The following THBS1 variants were observed in gnomAD, a reference collection of about 807,000 sequenced individuals.
The protein encoded by THBS1 is thrombospondin-1.
THBS1 carries 29 observed loss-of-function variants against 126.1 expected under a neutral mutation model. That is an observed-to-expected ratio of 0.23 (90% CI 0.17 to 0.31). The LOEUF (loss-of-function observed/expected upper bound fraction) is 0.31, where lower values mean the gene tolerates loss of function less well. Among genes scored for constraint, THBS1 ranks in the 10% least tolerant of loss-of-function variants. The pLI, the probability that THBS1 is intolerant of heterozygous loss-of-function variation, is 1.00. For missense variants in THBS1, 1,198 were observed against 1,545.2 expected, an observed-to-expected ratio of 0.78 and a Z score of 3.77; for synonymous variants, 496 against 577.8, an observed-to-expected ratio of 0.86 and a Z score of 2.03.
In THBS1 at chr15:39,583,994, G is replaced by A; in HGVS notation, c.710G>A (p.Ser237Asn). ...TCATTTTGTTTCTTGCCAGCTACCAGTGTCCTCCTCACCCTTGACAACAAC... is the reference window on the plus strand; with the variant it reads ...TCATTTTGTTTCTTGCCAGCTACCAATGTCCTCCTCACCCTTGACAACAAC... ...LRNKGCSSST[S>N]VLLTLDNNVV... The change falls in exon 5 of 22, where the codon AGT becomes AAT. Residue 237 changes from serine to asparagine, a missense_variant. Ser to Asn is a conservative substitution (Grantham distance 46). Coordinates refer to ENST00000260356, the MANE Select transcript of THBS1 (RefSeq NM_003246.4). The A allele has an allele frequency of 6.2e-7, 1 of 1,614,208 alleles. No homozygotes were observed. Among genetic ancestry groups the A allele is most frequent in the Non-Finnish European group, 8.5e-7 (1 of 1,180,046 alleles).
chr15:39,581,743 G>C, intron 1 of THBS1, 86 bp from the exon 2 acceptor site: 1 of 768,612 alleles, frequency 1.3e-6, no homozygotes, highest in Non-Finnish European at 2.1e-6. Flanking sequence ...TCCCGGCCCT[G>C]TCCCCATGCC....
In THBS1 at chr15:39,582,686, C is replaced by T. The variant is rs1890135403; in HGVS notation, c.561C>T (p.Phe187=). Residue 187 remains phenylalanine (F), a synonymous_variant, in exon 3 of 22, where the codon TTC becomes TTT. Transcript: ENST00000260356. ...TGGACGTCCCCATCCAAAGCGTCTTCACCAGAGACCTGGCCAGCATCGCCA... is the reference window on the plus strand; with the variant it reads ...TGGACGTCCCCATCCAAAGCGTCTTTACCAGAGACCTGGCCAGCATCGCCA... The part of the protein sequence containing the change: ...AELDVPIQSV[F]TRDLASIARL... 6.2e-7 allele frequency: 1 copy of T among 1,613,444 alleles called. No homozygotes were observed. The highest frequency in any genetic ancestry group is 1.7e-5 in the Admixed American group (1 of 60,010).
At chr15:39,582,122 C>CTTA in intron 2 of THBS1, 71 bp from the exon 3 acceptor site, 1 of 1,500,584 alleles carries the variant, frequency 6.7e-7, no homozygotes, top group South Asian at 1.3e-5. Flanking sequence ...TGTCTCCACC[C>CTTA]CTAAGGACTC....
intron 10 of THBS1, 77 bp from the exon 11 acceptor site, chr15:39,588,880 CTG>C (rs1255063955): frequency 6.2e-7 from 1 of 1,611,332 alleles, no homozygotes; most frequent in South Asian, 1.1e-5. Context: ...ATATCTTACA[CTG>C]TGTTAAGTGC....
At chr15:39,583,555 C>CG in intron 3 of THBS1, 62 bp from the exon 4 acceptor site, 2 of 1,126,136 alleles carry the variant, frequency 1.8e-6, no homozygotes. Flanking sequence ...CAGACAGTCT[C>CG]CCCCAACCCC....
chr15:39,593,690 CAG>C lies in THBS1; in HGVS notation c.3267+31_3267+32del. The C allele has an allele frequency of 6.2e-7, 1 of 1,610,400 alleles. No individual in the cohort carries two copies. Among genetic ancestry groups the C allele is most frequent in the Non-Finnish European group, 8.5e-7 (1 of 1,178,672 alleles). The stretch of plus-strand genomic sequence containing the variant: ...CCAGGTAAGAAGCAAAGCCCTGGAA[CAG>C]AGAGAGAGCTTATGGGTGCCTGACT... On this transcript the variant is annotated intron_variant, in intron 19 of 21. Coordinates refer to ENST00000260356, the MANE Select transcript of THBS1 (RefSeq NM_003246.4). This position sits in a 1 kb window ranked among gnomAD's most constrained non-coding sequence, Gnocchi z 5.9.
In THBS1 at chr15:39,588,594, A is replaced by C. The variant is rs1406562958; in HGVS notation, c.1540A>C (p.Lys514Gln). The C allele has an allele frequency of 1.2e-6, 2 of 1,610,188 alleles. No homozygotes were observed. Among genetic ancestry groups the C allele is most frequent in the Admixed American group, 3.4e-5 (2 of 59,338 alleles). ...CSVTCGGGVQKRSRLCNNPTP... is the reference protein window; with the variant it reads ...CSVTCGGGVQQRSRLCNNPTP... ...TGTCACCTGTGGAGGAGGGGTACAG[A>C]AACGTAGTCGTCTCTGCAACAACCC... Residue 514 changes from lysine to glutamine, a missense_variant, in exon 10 of 22, where the codon AAA becomes CAA. Around this residue, in one of 4 missense-constraint regions of THBS1, gnomAD observed 663 missense variants for 860.1 expected, o/e 0.77. Transcript: ENST00000260356.
At chr15:39,590,656 T>C (rs1890309400) in intron 14 of THBS1, 33 bp downstream of exon 14, 1 of 1,584,390 alleles carries the variant, frequency 6.3e-7, no homozygotes. Context: ...TTTTCATCTT[T>C]TCAGTTCAGC....
In THBS1 at chr15:39,594,229, T is replaced by A. The variant is rs61432611; in HGVS notation, c.3365+33T>A. 17,380 of 1,613,722 alleles carry A rather than the reference T, an allele frequency of 0.011. 1,622 individuals carry two copies. In the African/African-American group the frequency reaches 0.2, roughly 19 times the overall value. On this transcript the variant is annotated intron_variant, in intron 20 of 21. Transcript: ENST00000260356. This position sits in a 1 kb window ranked among gnomAD's most constrained non-coding sequence, Gnocchi z 4.4. Reference sequence around the variant, plus strand: ...CATACTGATTCACTTTCACTTACAGTCACACTGAGGGACAAAAAGACAAAA... The same window carrying A: ...CATACTGATTCACTTTCACTTACAGACACACTGAGGGACAAAAAGACAAAA...
At position 39,598,328 on chromosome 15, in the gene THBS1, T is replaced by C. The variant is rs1038730923; in HGVS notation, c.*2959T>C. The C allele has an allele frequency of 6.6e-6, 1 of 152,216 alleles. No homozygotes were observed. The allele number at this position is 152,216 out of a possible 1,614,324, so 9.4% of individuals were successfully genotyped here. A position where few individuals can be genotyped will look rare whatever the true frequency, so the allele number is the denominator to read the frequency against. ...AAATACTCATCTTTCTGAGTAGCCA[T>C]GATCACATACAAATGTAAATTGCCA... On this transcript the variant is annotated 3_prime_UTR_variant, in exon 22 of 22. Transcript: ENST00000260356.
Position 39,583,981 on chromosome 15 carries a change from T to C in THBS1, c.704-7T>C, listed in dbSNP as rs1890161472. On this transcript the variant is annotated splice_polypyrimidine_tract_variant and splice_region_variant and intron_variant, in intron 4 of 21. Transcript: ENST00000260356. ...CTATTTGAAGTTTTCATTTTGTTTCTTGCCAGCTACCAGTGTCCTCCTCAC... is the reference window on the plus strand; with the variant it reads ...CTATTTGAAGTTTTCATTTTGTTTCCTGCCAGCTACCAGTGTCCTCCTCAC... 4 of 1,614,060 alleles carry C rather than the reference T, an allele frequency of 2.5e-6. No individual in the cohort carries two copies. The highest frequency in any genetic ancestry group is 3.4e-6 in the Non-Finnish European group (4 of 1,180,024).
chr15:39,591,664 T>C (rs1038293577), intron 16 of THBS1, 41 bp downstream of exon 16: 4 of 1,543,642 alleles, frequency 2.6e-6, no homozygotes, highest in South Asian at 1.1e-5. Context: ...CAGTAAACTG[T>C]TGGAATATCC....
At chr15:39,583,855 T>TTC in intron 4 of THBS1, 133 bp from the exon 5 acceptor site, 1 of 1,110,814 alleles carries the variant, frequency 9.0e-7, no homozygotes, top group Non-Finnish European at 1.3e-6. Context: ...CACACACGTA[T>TTC]ACACACGTGC....
At chr15:39,590,115 C>T (rs1280746540) in intron 13 of THBS1, 92 bp downstream of exon 13, 11 of 1,163,174 alleles carry the variant, frequency 9.5e-6, no homozygotes, top group Middle Eastern at 2.9e-4. Context: ...AAAGTTTGGA[C>T]ATGAAACTGA....
chr15:39,582,401 A>G lies in THBS1; in HGVS notation c.276A>G (p.Ala92=). 1 of 1,614,124 alleles carries G rather than the reference A, an allele frequency of 6.2e-7. No homozygotes were observed. The highest frequency in any genetic ancestry group is 8.5e-7 in the Non-Finnish European group (1 of 1,180,008). ...CAGAAAAGGGTTTCCTCCTTCTGGC[A>G]TCCCTGAGGCAGATGAAGAAGACCC... ...VRAEKGFLLL[A]SLRQMKKTRG... is the part of the protein sequence containing the mutation. The change falls in exon 3 of 22, where the codon GCA becomes GCG. Residue 92 remains alanine (A), a synonymous_variant. Coordinates refer to ENST00000260356, the MANE Select transcript of THBS1 (RefSeq NM_003246.4).
At chr15:39,586,399 A>G (rs1389490108) in intron 7 of THBS1, among the ~76,000 whole-genome samples, 1 of 152,244 alleles carries the variant, frequency 6.6e-6, no homozygotes, top group Non-Finnish European at 1.5e-5. Flanking sequence ...GAGGTAGCAA[A>G]GTTTTGAACT....
rs1329926774 is a variant in THBS1 at position 39,593,675 on chromosome 15, A to T, written c.3267+7A>T. ...AGGAAACACCCCTGGCCAGGTAAGAAGCAAAGCCCTGGAACAGAGAGAGAG... is the reference window on the plus strand; with the variant it reads ...AGGAAACACCCCTGGCCAGGTAAGATGCAAAGCCCTGGAACAGAGAGAGAG... On this transcript the variant is annotated splice_region_variant and intron_variant, in intron 19 of 21. Transcript: ENST00000260356. The surrounding 1 kb of genome is among the most constrained non-coding windows in gnomAD (Gnocchi z 5.9). 4 of 1,612,400 alleles carry T rather than the reference A, an allele frequency of 2.5e-6. No individual in the cohort carries two copies. In the African/African-American group the frequency reaches 5.3e-5, roughly 22 times the overall value.
intron 1 of THBS1, 75 bp from the exon 2 acceptor site, chr15:39,581,754 C>T (rs577661001): frequency 1.9e-5 from 17 of 914,708 alleles, no homozygotes; most frequent in Non-Finnish European, 2.7e-5. Context: ...TCCCCATGCC[C>T]AGCCCCGTTT....
At position 39,592,923 on chromosome 15, in the gene THBS1, AGATAGT is replaced by A. The variant is rs1257620277; in HGVS notation, c.2768-74_2768-69del. 1.1e-5 allele frequency: 17 copies of A among 1,554,880 alleles called. No homozygotes were observed. The Admixed American group carries it at 1.8e-4, about 16-fold the overall frequency. On this transcript the variant is annotated intron_variant, in intron 17 of 21. Transcript: ENST00000260356. The surrounding 1 kb of genome is among the most constrained non-coding windows in gnomAD (Gnocchi z 4.3). ...AAGGGACCAAATGCCAACTTAGACA[AGATAGT>A]GACATTTCTGACACCAGTAATAATA... is the stretch of plus-strand genomic sequence containing the variant.
Sources: gnomAD v4.1 joint callset for allele counts (sites outside exome capture counted in the v4.1 genomes callset) on GRCh38, gnomAD v4.1.1 for gene constraint, gnomAD v4.1.1 regional missense constraint, Gnocchi (gnomAD v3.1) non-coding constraint, MANE v1.5 for transcripts, NCBI Gene and HGNC (gene_info 2026-07-23, HGNC 2026-07-21) for gene names.